Variants in RAD51AP1 observed in about 807,000 individuals in gnomAD.
RAD51AP1 encodes the protein RAD51 associated protein 1.
Under a neutral mutation model 34.3 loss-of-function variants are expected in RAD51AP1, and 14 were observed. That is an observed-to-expected ratio of 0.41 (90% CI 0.27 to 0.64). The LOEUF (loss-of-function observed/expected upper bound fraction) is 0.64, where lower values mean the gene tolerates loss of function less well. RAD51AP1 is among the 30% of genes least tolerant of loss of function. RAD51AP1 has a pLI of 0.33. For synonymous variants in RAD51AP1, 114 were observed against 129.8 expected, an observed-to-expected ratio of 0.88 and a Z score of 0.83; for missense variants, 348 against 386.9, an observed-to-expected ratio of 0.90 and a Z score of 0.84.
At chr12:4,551,040 A>G (rs1460440675) in intron 6 of RAD51AP1, among the ~76,000 whole-genome samples, 2 of 152,186 alleles carry the variant, frequency 1.3e-5, no homozygotes, top group Non-Finnish European at 2.9e-5. Flanking sequence ...ACCACCTAAG[A>G]GAGGGACAAC....
At position 4,543,930 on chromosome 12, in the gene RAD51AP1, A is replaced by G. The variant is rs73255441; in HGVS notation, c.209+26A>G. ...GTGAGAGGTAAGACATGCAGTAAAT[A>G]TATGACATTAGATGTGTTAATTTTA... is the stretch of plus-strand genomic sequence containing the variant. On this transcript the variant is annotated intron_variant, in intron 3 of 8. Transcript: ENST00000352618. 1.2e-3 allele frequency: 1,933 copies of G among 1,569,948 alleles called. 25 individuals are homozygous for G. The African/African-American group carries it at 0.023, about 19-fold the overall frequency.
rs1211798703 is a variant in RAD51AP1 at position 4,548,313 on chromosome 12, CTTTGTG to C, written c.406+139_406+144del. 2.4e-6 allele frequency: 3 copies of C among 1,253,230 alleles called. No individual in the cohort carries two copies. The East Asian group carries it at 8.0e-5, about 33-fold the overall frequency. The allele number at this position is 1,253,230 out of a possible 1,614,324, so 77.6% of individuals were successfully genotyped here. On this transcript the variant is annotated intron_variant, in intron 5 of 8. Coordinates refer to ENST00000352618, the MANE Select transcript of RAD51AP1 (RefSeq NM_006479.5). ...TCTCTTGATGTCATGGCCTTTATTT[CTTTGTG>C]TTTTAGTCTCATTCTGTCGTACTGC...
intron 6 of RAD51AP1, among the ~76,000 whole-genome samples, chr12:4,549,086 CAGAA>C (rs965597677): frequency 3.9e-5 from 6 of 152,174 alleles, no homozygotes; most frequent in African/African-American, 7.2e-5. Context: ...TTCTGACTAA[CAGAA>C]AGGCATTACC....
rs771799015 is a variant in RAD51AP1 at position 4,556,455 on chromosome 12, T to C, written c.824T>C (p.Ile275Thr). ...SSDTTRKPLEIRSPSAESKKP... is the reference protein window; with the variant it reads ...SSDTTRKPLETRSPSAESKKP... Reference sequence around the variant, plus strand: ...GATACCACTAGGAAACCATTAGAAATACGCAGTCCTTCAGCTGAAAGCAAG... The same window carrying C: ...GATACCACTAGGAAACCATTAGAAACACGCAGTCCTTCAGCTGAAAGCAAG... The change falls in exon 8 of 9, where the codon ATA becomes ACA. Residue 275 changes from isoleucine (I) to threonine (T), a missense_variant. Transcript: ENST00000352618. 19 of 1,613,458 alleles carry C rather than the reference T, an allele frequency of 1.2e-5. No homozygotes were observed. In the Admixed American group the frequency reaches 2.3e-4, roughly 20 times the overall value.
intron 7 of RAD51AP1, among the ~76,000 whole-genome samples, chr12:4,553,906 C>T (rs1301990862): frequency 6.6e-6 from 1 of 152,016 alleles, no homozygotes; most frequent in Admixed American, 6.6e-5. Flanking sequence ...TTTAGTCTTT[C>T]CATTTATTCA....
chr12:4,549,475 A>G (rs7955496), intron 6 of RAD51AP1, among the ~76,000 whole-genome samples: 3,432 of 152,300 alleles, frequency 0.023, 103 homozygotes, highest in African/African-American at 0.078. Context: ...AGATTTGCTC[A>G]TCGTCACTTA....
intron 6 of RAD51AP1, among the ~76,000 whole-genome samples, chr12:4,551,414 G>T (rs1240469441): frequency 6.6e-5 from 10 of 150,634 alleles, no homozygotes; most frequent in African/African-American, 2.5e-4. Flanking sequence ...AGAATTGCTT[G>T]AACCTGGGAG....
rs1944609179 is a variant in RAD51AP1, at chr12:4,559,929, C to T, written c.*936C>T. 1 of 152,024 alleles carries T rather than the reference C, an allele frequency of 6.6e-6. No individual in the cohort carries two copies. The highest frequency in any genetic ancestry group is 2.1e-4 in the South Asian group (1 of 4,822). The allele number at this position is 152,024 out of a possible 1,614,324, so 9.4% of individuals were successfully genotyped here. ...TGATCAATTTTTAATAAAAAATTTTCAAATCATGTTAGCTGTTAAAAAATG... is the reference window on the plus strand; with the variant it reads ...TGATCAATTTTTAATAAAAAATTTTTAAATCATGTTAGCTGTTAAAAAATG... On this transcript the variant is annotated 3_prime_UTR_variant, in exon 9 of 9. Transcript: ENST00000352618.
At chr12:4,555,209 A>G (rs1944573790) in intron 7 of RAD51AP1, among the ~76,000 whole-genome samples, 1 of 152,110 alleles carries the variant, frequency 6.6e-6, no homozygotes, top group Non-Finnish European at 1.5e-5. Context: ...AATAGAACCA[A>G]AACATACTTC....
chr12:4,556,622 A>G, intron 8 of RAD51AP1, 120 bp downstream of exon 8: 9 of 1,158,240 alleles, frequency 7.8e-6, no homozygotes. Flanking sequence ...CTTCAAAACC[A>G]AAGTTCCTGG....
chr12:4,548,077 ATTCC>A lies in RAD51AP1; in HGVS notation c.320-12_320-9del, dbSNP rs1944519028. Reference sequence around the variant, plus strand: ...AAGATATATCTGAATTTTCTTTCTTATTCCTTATATTTAGGCATTGAAAAACATG... The same window carrying A: ...AAGATATATCTGAATTTTCTTTCTTATTATATTTAGGCATTGAAAAACATG... On this transcript the variant is annotated splice_polypyrimidine_tract_variant and intron_variant, in intron 4 of 8. Transcript: ENST00000352618. 6.3e-7 allele frequency: 1 copy of A among 1,580,518 alleles called. No homozygotes were observed. The highest frequency in any genetic ancestry group is 8.5e-7 in the Non-Finnish European group (1 of 1,170,820).
At chr12:4,550,698 G>T (rs772225903) in intron 6 of RAD51AP1, among the ~76,000 whole-genome samples, 3 of 152,368 alleles carry the variant, frequency 2.0e-5, no homozygotes, top group South Asian at 2.1e-4. Context: ...GGAGTGTAGT[G>T]GCACGATCTT....
At chr12:4,545,197 C>A in intron 3 of RAD51AP1, 1 of 452,082 alleles carries the variant, frequency 2.2e-6, no homozygotes, top group Middle Eastern at 3.3e-4. Flanking sequence ...ATGTGGTTTC[C>A]ACAAAATGGA....
intron 6 of RAD51AP1, among the ~76,000 whole-genome samples, chr12:4,549,295 T>C (rs192157085): frequency 1.3e-5 from 2 of 152,316 alleles, no homozygotes; most frequent in Non-Finnish European, 2.9e-5. Flanking sequence ...ATCTATATTT[T>C]ATTATGATGG....
intron 6 of RAD51AP1, among the ~76,000 whole-genome samples, chr12:4,549,872 C>T (rs117187829): frequency 2.0e-4 from 31 of 152,206 alleles, no homozygotes; most frequent in Non-Finnish European, 3.5e-4. Flanking sequence ...GTATCCAAAA[C>T]GATTGAAAGC....
chr12:4,547,199 C>A (rs527870465), intron 4 of RAD51AP1, among the ~76,000 whole-genome samples: 1 of 152,200 alleles, frequency 6.6e-6, no homozygotes, highest in South Asian at 2.1e-4. Context: ...TCCTGAGTAG[C>A]CGGGACTACA....
intron 6 of RAD51AP1, among the ~76,000 whole-genome samples, chr12:4,550,247 G>A (rs1270742640): frequency 6.6e-6 from 1 of 152,194 alleles, no homozygotes; most frequent in Non-Finnish European, 1.5e-5. Flanking sequence ...TTCTGAACAA[G>A]CTTGTTACAC....
chr12:4,552,967 T>C lies in RAD51AP1; in HGVS notation c.557-16T>C. On this transcript the variant is annotated splice_polypyrimidine_tract_variant and intron_variant, in intron 6 of 8. Transcript: ENST00000352618. ...CTTTTTAGAGCAAAGATGAACTATA[T>C]AATCTTCTGTTTTAGGTGAAGATTC... The C allele has an allele frequency of 6.4e-7, 1 of 1,554,908 alleles. No homozygotes were observed. The highest frequency in any genetic ancestry group is 1.2e-5 in the South Asian group (1 of 81,198).
Position 4,559,497 on chromosome 12 carries a change from C to G in RAD51AP1, c.*504C>G, listed in dbSNP as rs1314383483. On this transcript the variant is annotated 3_prime_UTR_variant, in exon 9 of 9. Transcript: ENST00000352618. ...TACAAACTTAGAATTATTTTACACA[C>G]TAAAATGGTTGCAGTTTTATGGCAT... is the stretch of plus-strand genomic sequence containing the variant. 6.6e-6 allele frequency: 1 copy of G among 152,230 alleles called. No individual in the cohort carries two copies. Among genetic ancestry groups the G allele is most frequent in the Non-Finnish European group, 1.5e-5 (1 of 68,076 alleles). 9.4% of individuals were successfully genotyped at this position (152,230 alleles called of 1,614,324 possible).
Sources: gnomAD v4.1 joint callset for allele counts (sites outside exome capture counted in the v4.1 genomes callset) on GRCh38, gnomAD v4.1.1 for gene constraint, MANE v1.5 for transcripts, NCBI Gene and HGNC (gene_info 2026-07-23, HGNC 2026-07-21) for gene names.